SNTG1: variants seen among roughly 807,000 people sequenced by gnomAD.
SNTG1 encodes gamma-1-syntrophin.
Under a neutral mutation model 74.7 loss-of-function variants are expected in SNTG1, and 39 were observed. The observed-to-expected ratio is 0.52, with a 90% CI of 0.40 to 0.68. The LOEUF is 0.68. SNTG1 is among the 30% of genes least tolerant of loss of function. The pLI, the probability that SNTG1 is intolerant of heterozygous loss-of-function variation, is 0.00. For synonymous variants in SNTG1, 254 were observed against 217.1 expected, an observed-to-expected ratio of 1.17 and a Z score of -1.49; for missense variants, 685 against 609.5, an observed-to-expected ratio of 1.12 and a Z score of -1.30.
chr8:50,015,849 T>C (rs1169284406), intron 1 of SNTG1, among the ~76,000 whole-genome samples: 1 of 152,130 alleles, frequency 6.6e-6, no homozygotes, highest in Non-Finnish European at 1.5e-5. Context: ...TTGGGCTGCT[T>C]GAAGAAGTTG....
At chr8:50,033,283 C>T (rs917470117) in intron 1 of SNTG1, among the ~76,000 whole-genome samples, 1 of 151,998 alleles carries the variant, frequency 6.6e-6, no homozygotes, top group African/African-American at 2.4e-5. Context: ...GCCACCACAC[C>T]TGGCTAAATT....
intron 13 of SNTG1, among the ~76,000 whole-genome samples, chr8:50,649,032 T>C (rs2095127945): frequency 6.6e-6 from 1 of 152,206 alleles, no homozygotes; most frequent in African/African-American, 2.4e-5. Flanking sequence ...ATTCATGTTG[T>C]TCCATGTAAC....
intron 17 of SNTG1, among the ~76,000 whole-genome samples, chr8:50,716,448 A>C (rs1246855626): frequency 6.6e-6 from 1 of 152,034 alleles, no homozygotes; most frequent in Non-Finnish European, 1.5e-5. Context: ...AACAATACAA[A>C]GAGCTGTTTG....
chr8:50,274,430 AAG>A (rs1188172685), intron 2 of SNTG1, among the ~76,000 whole-genome samples: 16 of 47,826 alleles, frequency 3.3e-4, no homozygotes, highest in Non-Finnish European at 1.1e-3. Flanking sequence ...AATTACTTAT[AAG>A]AGTATTTTTT....
In SNTG1 at chr8:50,502,872, A is replaced by G; in HGVS notation, c.458A>G (p.Asp153Gly). 1.9e-6 allele frequency: 3 copies of G among 1,611,908 alleles called. No individual in the cohort carries two copies. Among genetic ancestry groups the G allele is most frequent in the Non-Finnish European group, 2.5e-6 (3 of 1,178,340 alleles). The change falls in exon 9 of 19, where the codon GAT (aspartate) becomes GGT (glycine). Residue 153 changes from aspartate to glycine, a missense_variant. Asp to Gly is a moderately conservative substitution (Grantham distance 94). Coordinates refer to ENST00000642720, the MANE Select transcript of SNTG1 (RefSeq NM_018967.5). ...TTCCTCAAACTCCCATTGAATGAAG[A>G]TTGTGCATGTAAGCATTTATAAAGA... ...PAFLKLPLNE[D>G]CACAPSDQSS...
chr8:50,177,710 G>A (rs1423664422), intron 2 of SNTG1, among the ~76,000 whole-genome samples: 1 of 152,150 alleles, frequency 6.6e-6, no homozygotes, highest in African/African-American at 2.4e-5. Flanking sequence ...TTAATTGAAC[G>A]CTTTGACCTC....
intron 18 of SNTG1, among the ~76,000 whole-genome samples, chr8:50,763,648 TTG>T (rs141415804): frequency 0.11 from 13,093 of 116,870 alleles, 938 homozygotes; most frequent in African/African-American, 0.22. Flanking sequence ...ATTGCCTTTA[TTG>T]TGTGTGTGTG....
Position 49,919,524 on chromosome 8 carries a change from C to T in SNTG1, c.-103+7293C>T, listed in dbSNP as rs139301231. Among the ~76,000 whole-genome samples, 185 of 152,138 alleles carry T rather than the reference C, an allele frequency of 1.2e-3. 2 individuals carry two copies. The highest frequency in any genetic ancestry group is 0.01 in the Middle Eastern group (3 of 294). On this transcript the variant is annotated intron_variant, in intron 1 of 18. Coordinates refer to ENST00000642720, the MANE Select transcript of SNTG1 (RefSeq NM_018967.5). ...TGAGGGAATACTCAGCAAAAGTGGG[C>T]TCATTGGCTTGTTGTTTCTCTAAAA...
chr8:50,730,017 G>T (rs1228594001), intron 17 of SNTG1, among the ~76,000 whole-genome samples: 1 of 152,096 alleles, frequency 6.6e-6, no homozygotes, highest in Non-Finnish European at 1.5e-5. Context: ...GGACTGCGAT[G>T]CTAAAAAGTA....
intron 13 of SNTG1, among the ~76,000 whole-genome samples, chr8:50,655,891 G>A (rs1173379990): frequency 6.6e-6 from 1 of 152,254 alleles, no homozygotes; most frequent in East Asian, 1.9e-4. Context: ...AGCTAGCTGG[G>A]CTTGGTCCAG....
At chr8:50,581,393 A>G (rs2094608889) in intron 12 of SNTG1, among the ~76,000 whole-genome samples, 1 of 152,152 alleles carries the variant, frequency 6.6e-6, no homozygotes, top group Non-Finnish European at 1.5e-5. Flanking sequence ...TTGAACAGAA[A>G]TCAATTTAAA....
intron 9 of SNTG1, among the ~76,000 whole-genome samples, chr8:50,526,728 A>G (rs1243401950): frequency 6.6e-6 from 1 of 151,936 alleles, no homozygotes; most frequent in East Asian, 1.9e-4. Context: ...GAGTTCAAGC[A>G]GTTCTCCTGC....
At chr8:50,078,431 T>C (rs1267710597) in intron 1 of SNTG1, among the ~76,000 whole-genome samples, 3 of 152,228 alleles carry the variant, frequency 2.0e-5, no homozygotes, top group Non-Finnish European at 4.4e-5. Flanking sequence ...CTGTACTCCT[T>C]CTTAGCAATG....
chr8:50,515,997 C>T (rs893490763), intron 9 of SNTG1, among the ~76,000 whole-genome samples: 5 of 152,140 alleles, frequency 3.3e-5, no homozygotes, highest in African/African-American at 1.2e-4. Flanking sequence ...TGCCTCCTGA[C>T]TGGGAGATGC....
At chr8:49,991,161 T>C (rs982565298) in intron 1 of SNTG1, among the ~76,000 whole-genome samples, 5 of 152,148 alleles carry the variant, frequency 3.3e-5, no homozygotes, top group African/African-American at 9.7e-5. Flanking sequence ...ACAGGAGGTA[T>C]GCAAATCAAC....
At chr8:50,245,721 G>A (rs1023695876) in intron 2 of SNTG1, among the ~76,000 whole-genome samples, 1 of 152,008 alleles carries the variant, frequency 6.6e-6, no homozygotes, top group South Asian at 2.1e-4. Flanking sequence ...AACAAAAAAA[G>A]GATGTAAAAT....
chr8:50,249,372 G>T (rs2086542805), intron 2 of SNTG1, among the ~76,000 whole-genome samples: 1 of 152,202 alleles, frequency 6.6e-6, no homozygotes, highest in South Asian at 2.1e-4. Flanking sequence ...CCAACAGCCA[G>T]GCCAGAGGCA....
chr8:50,131,692 GA>G (rs1330122212), intron 1 of SNTG1, among the ~76,000 whole-genome samples: 1 of 151,988 alleles, frequency 6.6e-6, no homozygotes. Context: ...TTATTTTGTG[GA>G]TATATACTCA....
chr8:50,624,892 G>C (rs2094946939), intron 13 of SNTG1, among the ~76,000 whole-genome samples: 1 of 152,124 alleles, frequency 6.6e-6, no homozygotes, highest in South Asian at 2.1e-4. Flanking sequence ...CTTCCACACG[G>C]AGACGTTCAT....
Sources: gnomAD v4.1 joint callset for allele counts (sites outside exome capture counted in the v4.1 genomes callset) on GRCh38, gnomAD v4.1.1 for gene constraint, MANE v1.5 for transcripts, NCBI Gene and HGNC (gene_info 2026-07-23, HGNC 2026-07-21) for gene names.